Variants in ZNF652 observed in about 807,000 individuals in gnomAD.
ZNF652 encodes zinc finger protein 652.
In ZNF652, 16 loss-of-function variants were observed where a neutral mutation model predicts 45.2. The observed-to-expected ratio is 0.35, with a 90% CI of 0.24 to 0.54. The LOEUF is 0.54. ZNF652 is among the 20% of genes least tolerant of loss of function. The pLI, the probability that ZNF652 is intolerant of heterozygous loss-of-function variation, is 0.91. For missense variants in ZNF652, 614 were observed against 765.6 expected (o/e 0.80, Z 2.34); for synonymous variants, 250 against 260.6 (o/e 0.96, Z 0.39).
At chr17:49,350,541 CAAAA>C (rs11349262) in intron 1 of ZNF652, among the ~76,000 whole-genome samples, 223 of 135,708 alleles carry the variant, frequency 1.6e-3, no homozygotes, top group East Asian at 3.3e-3. Flanking sequence ...GACTCCGCCT[CAAAA>C]AAAAAAAAAA....
At chr17:49,336,323 C>CTTTT (rs771233496) in intron 1 of ZNF652, among the ~76,000 whole-genome samples, 1 of 123,602 alleles carries the variant, frequency 8.1e-6, no homozygotes, top group East Asian at 2.4e-4. Context: ...ATGCCCAGCC[C>CTTTT]TTTTTTTTTT....
intron 5 of ZNF652, among the ~76,000 whole-genome samples, chr17:49,308,923 A>G (rs1345652922): frequency 1.3e-5 from 2 of 152,218 alleles, no homozygotes; most frequent in Non-Finnish European, 2.9e-5. Context: ...AAATTTATAC[A>G]ATAACTAAAA....
intron 1 of ZNF652, among the ~76,000 whole-genome samples, chr17:49,335,311 C>T (rs1410837268): frequency 6.6e-6 from 1 of 152,124 alleles, no homozygotes; most frequent in Non-Finnish European, 1.5e-5. Flanking sequence ...TGGATAGGCT[C>T]TATTTGGAAC....
intron 1 of ZNF652, among the ~76,000 whole-genome samples, chr17:49,327,764 TATATATATATA>T (rs2069977142): frequency 1.8e-4 from 1 of 5,452 alleles, no homozygotes; most frequent in Non-Finnish European, 3.6e-4. Context: ...TATATATATA[TATATATATATA>T]TATATTTTTT....
chr17:49,356,886 T>C (rs568077661), intron 1 of ZNF652, among the ~76,000 whole-genome samples: 1 of 152,178 alleles, frequency 6.6e-6, no homozygotes, highest in South Asian at 2.1e-4. Context: ...AATTTAATTC[T>C]ATAGTAACCT....
Position 49,296,257 on chromosome 17 carries a change from A to G in ZNF652, c.*2156T>C, listed in dbSNP as rs2069475694. On this transcript the variant is annotated 3_prime_UTR_variant, in exon 6 of 6. Transcript: ENST00000430262. The stretch of plus-strand genomic sequence containing the variant: ...TTAAAACTTACATCCAAAACCAGGA[A>G]GTATGTCTTGATATACTTTTCTGCC... The G allele has an allele frequency of 6.6e-6, 1 of 152,622 alleles. No individual in the cohort carries two copies. The highest frequency in any genetic ancestry group is 2.1e-4 in the South Asian group (1 of 4,832). 9.5% of individuals were successfully genotyped at this position (152,622 alleles called of 1,614,324 possible).
intron 1 of ZNF652, among the ~76,000 whole-genome samples, chr17:49,340,450 G>A (rs902053171): frequency 2.6e-5 from 4 of 151,092 alleles, no homozygotes; most frequent in South Asian, 2.1e-4. Context: ...CAGCTACTCC[G>A]GAGGCTGAGA....
intron 1 of ZNF652, among the ~76,000 whole-genome samples, chr17:49,345,870 A>C (rs2070200376): frequency 6.6e-6 from 1 of 151,918 alleles, no homozygotes; most frequent in Non-Finnish European, 1.5e-5. Context: ...TGAAGTAATC[A>C]AACCCATTCA....
chr17:49,312,386 G>A (rs1195194810), intron 3 of ZNF652, among the ~76,000 whole-genome samples: 4 of 151,824 alleles, frequency 2.6e-5, no homozygotes, highest in Non-Finnish European at 1.5e-5. Context: ...GGCTGGTTCC[G>A]AACTCCTGAC....
intron 1 of ZNF652, among the ~76,000 whole-genome samples, chr17:49,338,678 C>A (rs889612405): frequency 6.6e-6 from 1 of 152,062 alleles, no homozygotes; most frequent in African/African-American, 2.4e-5. Context: ...ATAGAAGCAC[C>A]TGATCAAAGG....
chr17:49,319,326 A>T (rs1215944761), intron 1 of ZNF652, among the ~76,000 whole-genome samples: 1 of 151,888 alleles, frequency 6.6e-6, no homozygotes, highest in Admixed American at 6.6e-5. Context: ...TGTGGGGTTG[A>T]ATTTTTTTTT....
At chr17:49,337,003 G>C (rs2070092571) in intron 1 of ZNF652, among the ~76,000 whole-genome samples, 1 of 132,046 alleles carries the variant, frequency 7.6e-6, no homozygotes, top group Non-Finnish European at 1.6e-5. Flanking sequence ...ATAAAATCTG[G>C]TAACAATGCC....
chr17:49,327,145 A>G (rs2069964077), intron 1 of ZNF652, among the ~76,000 whole-genome samples: 1 of 152,140 alleles, frequency 6.6e-6, no homozygotes, highest in Non-Finnish European at 1.5e-5. Context: ...AGTTTACATA[A>G]AGCACATATA....
intron 1 of ZNF652, among the ~76,000 whole-genome samples, chr17:49,333,171 C>T (rs2143855002): frequency 6.6e-6 from 1 of 151,638 alleles, no homozygotes; most frequent in East Asian, 2.0e-4. Flanking sequence ...CATTCTCCTG[C>T]CTCAGCCTCC....
At chr17:49,318,846 A>G (rs558027047) in intron 1 of ZNF652, among the ~76,000 whole-genome samples, 4 of 152,354 alleles carry the variant, frequency 2.6e-5, no homozygotes, top group Non-Finnish European at 5.9e-5. Context: ...ACTATAGAAG[A>G]GAAGAAAAAT....
In ZNF652 at chr17:49,356,881, A is replaced by G. The variant is rs74482550; in HGVS notation, c.-259+5028T>C. ...CCTGCAACAAATTACAGAATAATTT[A>G]ATTCTATAGTAACCTAAGAAATCCT... is the stretch of plus-strand genomic sequence containing the variant. On this transcript the variant is annotated intron_variant, in intron 1 of 5. Transcript: ENST00000430262. Among the ~76,000 whole-genome samples the G allele has an allele frequency of 3.9e-4, 60 of 152,326 alleles. 1 individual carries two copies. Among genetic ancestry groups the G allele is most frequent in the South Asian group, 2.1e-4 (1 of 4,834 alleles).
chr17:49,305,659 C>G (rs1037662632), intron 5 of ZNF652, among the ~76,000 whole-genome samples: 2 of 152,110 alleles, frequency 1.3e-5, no homozygotes, highest in Non-Finnish European at 2.9e-5. Context: ...ATCATCAACA[C>G]CATCATTACC....
Position 49,317,679 on chromosome 17 carries a change from G to A in ZNF652, c.47C>T (p.Ala16Val). The A allele has an allele frequency of 1.2e-6, 2 of 1,606,020 alleles. No individual in the cohort carries two copies. The highest frequency in any genetic ancestry group is 1.7e-6 in the Non-Finnish European group (2 of 1,173,502). The change falls in exon 2 of 6, where the codon GCT becomes GTT. Residue 16 changes from alanine (A) to valine (V), a missense_variant. Transcript: ENST00000430262. Reference sequence around the variant, plus strand: ...TTGTGCCATTCCTGCTACATGCACAGCACAGTTTTCAACCAGCTCCTGACA... The same window carrying A: ...TTGTGCCATTCCTGCTACATGCACAACACAGTTTTCAACCAGCTCCTGACA... ...SSCQELVENC[A>V]VHVAGMAQED...
chr17:49,298,506 G>A lies in ZNF652; in HGVS notation c.1728C>T (p.Leu576=). Residue 576 remains leucine, a synonymous_variant, in exon 6 of 6, where the codon CTC becomes CTT. Transcript: ENST00000430262. ...TATGATTTAAAGGCTCACTCTTAAA[G>A]AGAGCTGGAGGTGGCGGGAGGTGAG... ...PVPHLPPPPA[L]FKSEPLNHRG... is the part of the protein sequence containing the mutation. 6.2e-7 allele frequency: 1 copy of A among 1,613,232 alleles called. No individual in the cohort carries two copies. The highest frequency in any genetic ancestry group is 8.5e-7 in the Non-Finnish European group (1 of 1,179,954).
Sources: gnomAD v4.1 joint callset for allele counts (sites outside exome capture counted in the v4.1 genomes callset) on GRCh38, gnomAD v4.1.1 for gene constraint, MANE v1.5 for transcripts, NCBI Gene and HGNC (gene_info 2026-07-23, HGNC 2026-07-21) for gene names.